The following FNDC3B variants were observed in gnomAD, a reference collection of about 807,000 sequenced individuals.
FNDC3B encodes the protein fibronectin type III domain-containing protein 3B.
A neutral mutation model predicts 151.5 loss-of-function variants in FNDC3B; 12 were observed. The ratio of observed to expected loss-of-function variants is 0.08; its 90% CI spans 0.05 to 0.13. The LOEUF (loss-of-function observed/expected upper bound fraction) is 0.13, where lower values mean the gene tolerates loss of function less well. Among genes scored for constraint, FNDC3B ranks in the 10% least tolerant of loss-of-function variants. The pLI, the probability that FNDC3B is intolerant of heterozygous loss-of-function variation, is 1.00. For missense variants in FNDC3B, 1,214 were observed against 1,505.3 expected (o/e 0.81, Z 3.20); for synonymous variants, 528 against 549.0 (o/e 0.96, Z 0.54).
chr3:172,123,675 G>A (rs1720666529), intron 2 of FNDC3B, among the ~76,000 whole-genome samples: 1 of 152,110 alleles, frequency 6.6e-6, no homozygotes, highest in Non-Finnish European at 1.5e-5. Flanking sequence ...TGCCAGAATG[G>A]ATCTGTTTAG....
At chr3:172,218,023 G>A (rs1295992571) in intron 3 of FNDC3B, among the ~76,000 whole-genome samples, 1 of 149,834 alleles carries the variant, frequency 6.7e-6, no homozygotes, top group Non-Finnish European at 1.5e-5. Context: ...TTTAGTCATT[G>A]AGCAATTTGT....
chr3:172,149,691 G>A (rs1271731673), intron 3 of FNDC3B, among the ~76,000 whole-genome samples: 4 of 151,040 alleles, frequency 2.6e-5, no homozygotes. Flanking sequence ...AATTTTATAA[G>A]CATATGTTAC....
chr3:172,323,536 A>G (rs1732193044), intron 11 of FNDC3B, among the ~76,000 whole-genome samples: 1 of 152,156 alleles, frequency 6.6e-6, no homozygotes, highest in African/African-American at 2.4e-5. Flanking sequence ...CACACACAAA[A>G]AGTAGAATAT....
intron 12 of FNDC3B, chr3:172,329,284 T>C: frequency 2.0e-6 from 1 of 500,800 alleles, no homozygotes; most frequent in South Asian, 4.3e-5. Flanking sequence ...CAAGCTGTAT[T>C]GCGAAGGCCC....
chr3:172,344,489 A>T (rs745328033), intron 19 of FNDC3B, among the ~76,000 whole-genome samples: 3 of 152,212 alleles, frequency 2.0e-5, no homozygotes, highest in Non-Finnish European at 2.9e-5. Context: ...TTCTATGAAG[A>T]CAGCACTCAA....
At chr3:172,335,206 G>A in intron 15 of FNDC3B, 124 bp downstream of exon 15, 3 of 957,354 alleles carry the variant, frequency 3.1e-6, no homozygotes, top group Non-Finnish European at 4.5e-6. Flanking sequence ...GAAGTTTTCT[G>A]CATTCGGAAT....
chr3:172,174,461 C>T (rs1723448308), intron 3 of FNDC3B, among the ~76,000 whole-genome samples: 1 of 152,186 alleles, frequency 6.6e-6, no homozygotes, highest in Admixed American at 6.5e-5. Flanking sequence ...ATGACAGTCT[C>T]ATCTTGCTTA....
chr3:172,330,092 A>T (rs1732565063), intron 12 of FNDC3B: 1 of 152,760 alleles, frequency 6.5e-6, no homozygotes, highest in Non-Finnish European at 1.5e-5. Flanking sequence ...TCCACAGGGG[A>T]TTGGTTTCAG....
chr3:172,328,763 T>C (rs1260797529), intron 11 of FNDC3B, among the ~76,000 whole-genome samples, 189 bp from the exon 12 acceptor site: 1 of 152,162 alleles, frequency 6.6e-6, no homozygotes, highest in Non-Finnish European at 1.5e-5. Context: ...ATGTTAGAGA[T>C]GAGATTTCAT....
At chr3:172,147,046 G>A (rs143733873) in intron 3 of FNDC3B, among the ~76,000 whole-genome samples, 15 of 152,236 alleles carry the variant, frequency 9.9e-5, no homozygotes, top group African/African-American at 3.1e-4. Context: ...GGTGCCTCAC[G>A]CCTGTAATCA....
intron 10 of FNDC3B, 30 bp from the exon 11 acceptor site, chr3:172,310,798 T>G (rs1731434743): frequency 6.4e-7 from 1 of 1,559,796 alleles, no homozygotes; most frequent in Non-Finnish European, 8.8e-7. Flanking sequence ...TGAACAACTT[T>G]CTCTAATCTC....
intron 25 of FNDC3B, among the ~76,000 whole-genome samples, chr3:172,392,474 C>G (rs1474991556): frequency 6.6e-6 from 1 of 152,158 alleles, no homozygotes; most frequent in Non-Finnish European, 1.5e-5. Flanking sequence ...AAAAGGATAA[C>G]TACCAGGTGA....
chr3:172,050,890 T>C (rs1490839709), intron 1 of FNDC3B, among the ~76,000 whole-genome samples: 1 of 152,098 alleles, frequency 6.6e-6, no homozygotes, highest in African/African-American at 2.4e-5. Flanking sequence ...GGTAGGATCA[T>C]TACGGATATC....
intron 3 of FNDC3B, among the ~76,000 whole-genome samples, chr3:172,133,872 T>G (rs1052343989): frequency 2.6e-5 from 4 of 152,146 alleles, no homozygotes; most frequent in Non-Finnish European, 5.9e-5. Context: ...AGTTGTTAAG[T>G]GGGCCTCTCC....
intron 21 of FNDC3B, among the ~76,000 whole-genome samples, chr3:172,349,716 C>T (rs896983396): frequency 1.3e-5 from 2 of 151,900 alleles, no homozygotes; most frequent in African/African-American, 4.8e-5. Context: ...AGTGCAGTGG[C>T]GCGATCTTGG....
At chr3:172,131,163 G>A (rs1299552969) in intron 2 of FNDC3B, among the ~76,000 whole-genome samples, 2 of 152,154 alleles carry the variant, frequency 1.3e-5, no homozygotes, top group Admixed American at 6.5e-5. Context: ...TTGGGAGGCC[G>A]AGACGGACGG....
At chr3:172,378,561 A>G in intron 24 of FNDC3B, 125 bp downstream of exon 24, 1 of 923,804 alleles carries the variant, frequency 1.1e-6, no homozygotes, top group East Asian at 2.9e-5. Flanking sequence ...AGAACATTCT[A>G]AAGAAGATTG....
chr3:172,130,773 T>C (rs898236063), intron 2 of FNDC3B, among the ~76,000 whole-genome samples: 2 of 152,222 alleles, frequency 1.3e-5, no homozygotes, highest in African/African-American at 4.8e-5. Context: ...CTGACAATTA[T>C]GAGCGTGGTA....
At position 172,307,453 on chromosome 3, in the gene FNDC3B, C is replaced by G. The variant is rs1213865359; in HGVS notation, c.1152C>G (p.Pro384=). Residue 384 remains proline (P), a synonymous_variant, in exon 10 of 26, where the codon CCC becomes CCG. Coordinates refer to ENST00000415807, the MANE Select transcript of FNDC3B (RefSeq NM_022763.4). ...THSCAPECPF[P]PKLAHRSKSS... ...GCTGTGCACCCGAGTGTCCTTTCCC[C>G]CCTAAGCTGGCACATAGGAGCAAAA... 2 of 1,613,974 alleles carry G rather than the reference C, an allele frequency of 1.2e-6. No homozygotes were observed. The highest frequency in any genetic ancestry group is 2.2e-5 in the South Asian group (2 of 91,084).
Sources: allele counts gnomAD v4.1 joint callset (sites outside exome capture counted in the v4.1 genomes callset), GRCh38; gene constraint gnomAD v4.1.1; transcripts MANE v1.5; gene names NCBI Gene and HGNC (gene_info 2026-07-23, HGNC 2026-07-21).